Variants in CCAR2 observed in about 807,000 individuals in gnomAD.
CCAR2 encodes the protein cell cycle and apoptosis regulator protein 2.
CCAR2 carries 21 observed loss-of-function variants against 108.1 expected under a neutral mutation model. The observed-to-expected ratio is 0.19, with a 90% CI of 0.14 to 0.28. The LOEUF (loss-of-function observed/expected upper bound fraction) is 0.28, where lower values mean the gene tolerates loss of function less well. CCAR2 is among the 10% of genes least tolerant of loss of function. CCAR2 has a pLI of 1.00. For missense variants in CCAR2, 1,126 were observed against 1,177.0 expected, an observed-to-expected ratio of 0.96 and a Z score of 0.63; for synonymous variants, 577 against 472.8, an observed-to-expected ratio of 1.22 and a Z score of -2.86.
At chr8:22,613,688 A>G (rs533968647) in intron 8 of CCAR2, among the ~76,000 whole-genome samples, 4 of 152,208 alleles carry the variant, frequency 2.6e-5, no homozygotes, top group Non-Finnish European at 5.9e-5. Flanking sequence ...TTGGTGACAC[A>G]TGATAATGTG....
Position 22,619,916 on chromosome 8 carries a change from A to G in CCAR2, c.*234A>G. On this transcript the variant is annotated 3_prime_UTR_variant, in exon 21 of 21. Coordinates refer to ENST00000308511, the MANE Select transcript of CCAR2 (RefSeq NM_001393997.1). Reference sequence around the variant, plus strand: ...AACAACTAAATACAACATCTTTTGCACCCCTAGAATGTCATTTTGCCCTCA... The same window carrying G: ...AACAACTAAATACAACATCTTTTGCGCCCCTAGAATGTCATTTTGCCCTCA... 1 of 566,526 alleles carries G rather than the reference A, an allele frequency of 1.8e-6. No individual in the cohort carries two copies. The allele number at this position is 566,526 out of a possible 1,614,324, so 35.1% of individuals were successfully genotyped here. A position where few individuals can be genotyped will look rare whatever the true frequency, so the allele number is the denominator to read the frequency against.
In CCAR2 at chr8:22,616,373, G is replaced by A. The variant is rs1257550181; in HGVS notation, c.1845+125G>A. On this transcript the variant is annotated intron_variant, in intron 14 of 20. Transcript: ENST00000308511. ...CCTGCACCCTTGCTCGGCATGGACT[G>A]AGGCCGCACAGCTAGTAAGTAGCAC... 8 of 860,406 alleles carry A rather than the reference G, an allele frequency of 9.3e-6. No homozygotes were observed. In the East Asian group the frequency reaches 1.7e-4, roughly 18 times the overall value. 53.3% of individuals were successfully genotyped at this position (860,406 alleles called of 1,614,324 possible).
At chr8:22,605,966 G>T in intron 2 of CCAR2, 119 bp from the exon 3 acceptor site, 1 of 1,259,968 alleles carries the variant, frequency 7.9e-7, no homozygotes, top group Non-Finnish European at 1.2e-6. Flanking sequence ...GTGATTGCCA[G>T]TGAAGCTCTG....
intron 15 of CCAR2, 64 bp from the exon 16 acceptor site, chr8:22,617,632 T>A: frequency 1.2e-6 from 2 of 1,612,582 alleles, no homozygotes; most frequent in South Asian, 2.2e-5. Context: ...GCCAAGCTGG[T>A]TTTCATTTTT....
chr8:22,617,465 G>A lies in CCAR2; in HGVS notation c.1891G>A (p.Glu631Lys), dbSNP rs2117462223. 1 of 1,600,774 alleles carries A rather than the reference G, an allele frequency of 6.2e-7. No homozygotes were observed. Among genetic ancestry groups the A allele is most frequent in the Non-Finnish European group, 8.5e-7 (1 of 1,173,890 alleles). ...CAAACCACTCTCTTCTGGGGGAGAGGAAGAAGAAAAACCCCGGGGCGAGGC... is the reference window on the plus strand; with the variant it reads ...CAAACCACTCTCTTCTGGGGGAGAGAAAGAAGAAAAACCCCGGGGCGAGGC... The part of the protein sequence containing the change: ...LPKPLSSGGE[E>K]EEKPRGEASE... The change falls in exon 15 of 21, where the codon GAA becomes AAA. Residue 631 changes from glutamate to lysine, a missense_variant. Glu to Lys is a moderately conservative substitution (Grantham distance 56, BLOSUM62 1). Coordinates refer to ENST00000308511, the MANE Select transcript of CCAR2 (RefSeq NM_001393997.1).
In CCAR2 at chr8:22,608,075, T is replaced by G. The variant is rs755536923; in HGVS notation, c.584+10T>G. ...TGGATCAGGGCCGAAGGTAAGAGGA[T>G]GATGTCCCTTTTTTTGGCCACTTGT... On this transcript the variant is annotated intron_variant, in intron 7 of 20. Transcript: ENST00000308511. 56 of 1,602,968 alleles carry G rather than the reference T, an allele frequency of 3.5e-5. No individual in the cohort carries two copies. Among genetic ancestry groups the G allele is most frequent in the Middle Eastern group, 1.7e-4 (1 of 6,040 alleles).
At chr8:22,617,835 T>C in intron 16 of CCAR2, 57 bp downstream of exon 16, 3 of 1,544,582 alleles carry the variant, frequency 1.9e-6, no homozygotes, top group South Asian at 1.1e-5. Context: ...TGGCAAGGCC[T>C]CTGGCCCACT....
intron 1 of CCAR2, 122 bp from the exon 2 acceptor site, chr8:22,605,610 TTTCA>T: frequency 1.6e-6 from 1 of 634,342 alleles, no homozygotes. Flanking sequence ...CATCCATTGC[TTTCA>T]TTCATTCTTA....
intron 14 of CCAR2, chr8:22,616,502 T>C: frequency 1.9e-6 from 1 of 537,488 alleles, no homozygotes; most frequent in East Asian, 3.2e-5. Flanking sequence ...GTGGGGTGCT[T>C]TGATTGCCTG....
intron 14 of CCAR2, chr8:22,616,567 C>T (rs1801517084): frequency 1.1e-5 from 4 of 363,984 alleles, no homozygotes; most frequent in South Asian, 8.7e-5. Flanking sequence ...CCTGTAATCC[C>T]AGCACTTTGG....
At chr8:22,621,343 G>C (rs1218337878), downstream of CCAR2, 6 of 1,511,630 alleles carry the variant, frequency 4.0e-6, no homozygotes, top group East Asian at 2.4e-5. Flanking sequence ...CAGCCTGTGA[G>C]AGGAGCAGCT....
chr8:22,607,080 G>A, intron 5 of CCAR2, 56 bp downstream of exon 5: 5 of 1,609,392 alleles, frequency 3.1e-6, no homozygotes, highest in Non-Finnish European at 8.5e-7. Context: ...AAGCCCCTGT[G>A]CCCTGACAGC....
At position 22,608,031 on chromosome 8, in the gene CCAR2, C is replaced by A. The variant is rs376168583; in HGVS notation, c.550C>A (p.Arg184=). ...GAGCCACCTGAACAGATTTCCTGCC[C>A]GGGGCCCTCATGGACGGTTGGATCA... ...HLSHLNRFPA[R]GPHGRLDQGR... The change falls in exon 7 of 21, where the codon CGG becomes AGG. Residue 184 remains arginine, a synonymous_variant. Transcript: ENST00000308511. The A allele has an allele frequency of 3.1e-6, 5 of 1,613,838 alleles. No homozygotes were observed. The highest frequency in any genetic ancestry group is 4.2e-6 in the Non-Finnish European group (5 of 1,179,988).
Position 22,618,940 on chromosome 8 carries a change from C to T in CCAR2, c.2446C>T (p.Leu816=). ...NGSLINVGSL[L]QRAEQQDSGR... is the part of the protein sequence containing the mutation. ...CAGCCTGATTAACGTGGGGAGCCTG[C>T]TGCAGCGCGCGGAGCAGCAGGACAG... The change falls in exon 19 of 21, where the codon CTG becomes TTG. Residue 816 remains leucine (L), a synonymous_variant. Coordinates refer to ENST00000308511, the MANE Select transcript of CCAR2 (RefSeq NM_001393997.1). The T allele has an allele frequency of 6.2e-7, 1 of 1,613,720 alleles. No individual in the cohort carries two copies. Among genetic ancestry groups the T allele is most frequent in the Non-Finnish European group, 8.5e-7 (1 of 1,180,038 alleles).
At position 22,619,288 on chromosome 8, in the gene CCAR2, G is replaced by A. The variant is rs761381642; in HGVS notation, c.2660G>A (p.Arg887Gln). 18 of 1,564,288 alleles carry A rather than the reference G, an allele frequency of 1.2e-5. No homozygotes were observed. Among genetic ancestry groups the A allele is most frequent in the African/African-American group, 4.1e-5 (3 of 73,814 alleles). ...GAGCGACAGAAGAGCCAGCTCCAGC[G>A]GCTGCTGCAGGAGCTCCGCAGGCGT... ...TAERQKSQLQ[R>Q]LLQELRRRLT... Residue 887 changes from arginine (R) to glutamine (Q), a missense_variant, in exon 20 of 21, where the codon CGG becomes CAG. Physicochemically the swap from Arg to Gln is conservative, Grantham distance 43. Transcript: ENST00000308511.
chr8:22,606,019 C>T, intron 2 of CCAR2, 66 bp from the exon 3 acceptor site: 1 of 1,448,062 alleles, frequency 6.9e-7, no homozygotes, highest in Non-Finnish European at 9.7e-7. Context: ...TTTACCACAT[C>T]CTTTGGTTGA....
chr8:22,616,226 C>T lies in CCAR2; in HGVS notation c.1823C>T (p.Ala608Val), dbSNP rs202065330. The change falls in exon 14 of 21, where the codon GCT becomes GTT. Residue 608 changes from alanine to valine, a missense_variant. Coordinates refer to ENST00000308511, the MANE Select transcript of CCAR2 (RefSeq NM_001393997.1). ...GATGAGGCACAGAATGAGGGCCCGG[C>T]TACAGAGTCAGAGGCCCCGCTGGTG... ...PKDEAQNEGP[A>V]TESEAPLKED... 1.5e-5 allele frequency: 25 copies of T among 1,613,012 alleles called. No individual in the cohort carries two copies. Among genetic ancestry groups the T allele is most frequent in the Non-Finnish European group, 2.1e-5 (25 of 1,180,014 alleles).
At chr8:22,614,349 C>T (rs201771179) in intron 9 of CCAR2, 35 bp downstream of exon 9, 33 of 1,613,838 alleles carry the variant, frequency 2.0e-5, no homozygotes, top group Admixed American at 5.0e-5. Context: ...TATCTGATTT[C>T]TGGAGGCTGA....
rs559827325 is a variant in CCAR2, at chr8:22,619,540, G to C, written c.2728-98G>C. 64 of 1,445,584 alleles carry C rather than the reference G, an allele frequency of 4.4e-5. No individual in the cohort carries two copies. In the African/African-American group the frequency reaches 7.5e-4, roughly 17 times the overall value. The allele number at this position is 1,445,584 out of a possible 1,614,324, so 89.5% of individuals were successfully genotyped here. On this transcript the variant is annotated intron_variant, in intron 20 of 20. Coordinates refer to ENST00000308511, the MANE Select transcript of CCAR2 (RefSeq NM_001393997.1). ...CTCTGGGAATTGAGCAGTCAGCAGC[G>C]TGCAGTGGGAGCTTCCCAGCAGGAG...
Sources: allele counts gnomAD v4.1 joint callset (sites outside exome capture counted in the v4.1 genomes callset), GRCh38; gene constraint gnomAD v4.1.1; transcripts MANE v1.5; gene names NCBI Gene and HGNC (gene_info 2026-07-23, HGNC 2026-07-21).